The following GREB1 variants were observed in gnomAD, a reference collection of about 807,000 sequenced individuals.
GREB1 encodes growth regulating estrogen receptor binding 1.
GREB1 carries 106 observed loss-of-function variants against 200.7 expected under a neutral mutation model. That is an observed-to-expected ratio of 0.53 (90% CI 0.45 to 0.62). The LOEUF (loss-of-function observed/expected upper bound fraction) is 0.62, where lower values mean the gene tolerates loss of function less well. Ranked by LOEUF, GREB1 falls within the 20% of genes least tolerant of loss-of-function variation. GREB1 has a pLI of 0.00. For synonymous variants in GREB1, 1,132 were observed against 1,092.4 expected (o/e 1.04, Z -0.72); for missense variants, 2,243 against 2,556.8 (o/e 0.88, Z 2.65).
rs781592126 is a variant in GREB1 at position 11,554,566 on chromosome 2, A to G, written c.-161-1888A>G. 1.4e-3 allele frequency among the ~76,000 whole-genome samples: 214 copies of G among 152,246 alleles called. 2 individuals carry two copies. The highest frequency in any genetic ancestry group is 3.2e-3 in the Middle Eastern group (1 of 316). On this transcript the variant is annotated intron_variant, in intron 1 of 32. Coordinates refer to ENST00000381486, the MANE Select transcript of GREB1 (RefSeq NM_014668.4). ...TCGCTTGACCGATGAAGCCAGTTTC[A>G]TAACTGGTCTGTGTGCAGTAATTGT...
intron 1 of GREB1, among the ~76,000 whole-genome samples, chr2:11,510,529 G>T (rs1287049229): frequency 6.6e-6 from 1 of 152,062 alleles, no homozygotes; most frequent in Admixed American, 6.6e-5. Context: ...CAACGATTTG[G>T]TTACTTGAAA....
At chr2:11,618,944 A>G in intron 22 of GREB1, 25 bp downstream of exon 22, 3 of 1,459,208 alleles carry the variant, frequency 2.1e-6, no homozygotes, top group Non-Finnish European at 2.7e-6. Flanking sequence ...CTGCCCCAGC[A>G]CAGCCCCGGA....
chr2:11,596,255 G>A lies in GREB1; in HGVS notation c.1954+16G>A. On this transcript the variant is annotated intron_variant, in intron 13 of 32. Transcript: ENST00000381486. The stretch of plus-strand genomic sequence containing the variant: ...GTGTGCACAAGTGAGTGGTGAAAAG[G>A]AATCTCCCAGGGTGGAGAGGGTACA... The A allele has an allele frequency of 6.2e-7, 1 of 1,609,976 alleles. No individual in the cohort carries two copies. Among genetic ancestry groups the A allele is most frequent in the Non-Finnish European group, 8.5e-7 (1 of 1,177,232 alleles).
chr2:11,601,334 C>T lies in GREB1; in HGVS notation c.2529+339C>T, dbSNP rs1484933663. On this transcript the variant is annotated intron_variant, in intron 16 of 32. Transcript: ENST00000381486. ...GCCCTTAGGCGCTGGGGGCTTTGGG[C>T]TCCATACAGAGCAACGCTTAATGTC... Among the ~76,000 whole-genome samples, 5 of 152,288 alleles carry T rather than the reference C, an allele frequency of 3.3e-5. No individual in the cohort carries two copies. The East Asian group carries it at 7.7e-4, about 24-fold the overall frequency.
intron 15 of GREB1, 118 bp from the exon 16 acceptor site, chr2:11,600,682 C>A: frequency 1.3e-6 from 1 of 798,630 alleles, no homozygotes; most frequent in South Asian, 1.6e-5. Context: ...GGGGCAGAGC[C>A]ATAATCTTTA....
chr2:11,615,877 A>T (rs1333935014), intron 20 of GREB1, among the ~76,000 whole-genome samples: 3 of 152,208 alleles, frequency 2.0e-5, no homozygotes, highest in Non-Finnish European at 4.4e-5. Flanking sequence ...GCATTTGTGG[A>T]GTGTGTGGAA....
intron 9 of GREB1, among the ~76,000 whole-genome samples, chr2:11,587,191 A>T (rs1439507369): frequency 6.6e-6 from 1 of 151,272 alleles, no homozygotes; most frequent in Non-Finnish European, 1.5e-5. Context: ...CGTCTCCCGG[A>T]CTCCTGCTCC....
At chr2:11,522,143 G>A (rs1673725487) in intron 1 of GREB1, among the ~76,000 whole-genome samples, 2 of 152,146 alleles carry the variant, frequency 1.3e-5, no homozygotes, top group African/African-American at 2.4e-5. Flanking sequence ...CCAGGGTTCT[G>A]CACATTTGCA....
chr2:11,575,352 A>T (rs1353663530), intron 4 of GREB1, among the ~76,000 whole-genome samples: 4 of 152,248 alleles, frequency 2.6e-5, no homozygotes, highest in Non-Finnish European at 5.9e-5. Context: ...CACATTTCTC[A>T]TCTTAACCAA....
intron 6 of GREB1, among the ~76,000 whole-genome samples, chr2:11,579,171 C>T (rs555429384): frequency 3.3e-5 from 5 of 152,280 alleles, no homozygotes; most frequent in African/African-American, 1.2e-4. Context: ...CCCACCTGGC[C>T]CATCCATCGC....
chr2:11,578,540 C>T (rs1679125972), intron 6 of GREB1, 109 bp downstream of exon 6: 2 of 1,163,894 alleles, frequency 1.7e-6, no homozygotes, highest in Non-Finnish European at 2.4e-6. Context: ...AATCAGGGGG[C>T]TGTTATCTTT....
In GREB1 at chr2:11,493,370, C is replaced by T. The variant is rs1324405003; in HGVS notation, c.-159+10989C>T. On this transcript the variant is annotated intron_variant, in intron 1 of 2. Coordinates refer to the GREB1 transcript ENST00000628795. This position sits in a 1 kb window ranked among gnomAD's most constrained non-coding sequence, Gnocchi z 4.6. ...TCAGGTATTAGATTCTCATAAGGAGCGTGCAACCTGGATCCCTTGTAGGCG... is the reference window on the plus strand; with the variant it reads ...TCAGGTATTAGATTCTCATAAGGAGTGTGCAACCTGGATCCCTTGTAGGCG... Among the ~76,000 whole-genome samples, 10 of 152,114 alleles carry T rather than the reference C, an allele frequency of 6.6e-5. No individual in the cohort carries two copies. Among genetic ancestry groups the T allele is most frequent in the South Asian group, 2.1e-4 (1 of 4,822 alleles).
At chr2:11,507,842 C>A (rs992719754) in intron 1 of GREB1, among the ~76,000 whole-genome samples, 2 of 152,204 alleles carry the variant, frequency 1.3e-5, no homozygotes, top group Non-Finnish European at 2.9e-5. Context: ...GCTGCTGTCA[C>A]CACATAGGCC....
Position 11,618,796 on chromosome 2 carries a change from G to A in GREB1, c.3921G>A (p.Glu1307=). Residue 1307 remains glutamate (E), a synonymous_variant, in exon 22 of 33, where the codon GAG becomes GAA. Transcript: ENST00000381486. Reference sequence around the variant, plus strand: ...TCAGCAAGACCATGACATCCACCGAGCAGTCCCTCTACTACCGGCAGTGGA... The same window carrying A: ...TCAGCAAGACCATGACATCCACCGAACAGTCCCTCTACTACCGGCAGTGGA... ...PLLSKTMTST[E]QSLYYRQWTV... The A allele has an allele frequency of 1.2e-6, 2 of 1,610,488 alleles. No individual in the cohort carries two copies. Among genetic ancestry groups the A allele is most frequent in the Non-Finnish European group, 1.7e-6 (2 of 1,179,888 alleles).
intron 7 of GREB1, among the ~76,000 whole-genome samples, chr2:11,582,062 C>CG (rs66937210): frequency 0.4 from 61,161 of 152,036 alleles, 12,625 homozygotes; most frequent in African/African-American, 0.47. Context: ...GCTTCTCTGC[C>CG]GGTGCTGCAT....
chr2:11,609,241 A>ATTTTTTTT (rs1488732320), intron 17 of GREB1, among the ~76,000 whole-genome samples: 2 of 55,984 alleles, frequency 3.6e-5, no homozygotes, highest in Non-Finnish European at 8.3e-5. Flanking sequence ...GGGCATTATT[A>ATTTTTTTT]TTTTATTTAT....
At chr2:11,574,953 TC>T (rs373307041) in intron 4 of GREB1, among the ~76,000 whole-genome samples, 23 of 152,234 alleles carry the variant, frequency 1.5e-4, no homozygotes, top group African/African-American at 5.1e-4. Context: ...AAGAGATCTG[TC>T]CTTATTTCTA....
chr2:11,638,622 G>A lies in GREB1; in HGVS notation c.5548-49G>A, dbSNP rs776693981. 5 of 1,586,258 alleles carry A rather than the reference G, an allele frequency of 3.2e-6. No individual in the cohort carries two copies. In the African/African-American group the frequency reaches 6.8e-5, roughly 22 times the overall value. On this transcript the variant is annotated intron_variant, in intron 31 of 32. Transcript: ENST00000381486. ...TGCAAACCTGTAGTATAATGTTACT[G>A]AGCATTTCATAGAAAACGGTGCCCT...
intron 17 of GREB1, among the ~76,000 whole-genome samples, chr2:11,606,085 G>A (rs1171850640): frequency 6.6e-6 from 1 of 151,866 alleles, no homozygotes; most frequent in Non-Finnish European, 1.5e-5. Flanking sequence ...CTCCAGAACT[G>A]TCCCCGCCAT....
Sources: gnomAD v4.1 joint callset for allele counts (sites outside exome capture counted in the v4.1 genomes callset) on GRCh38, gnomAD v4.1.1 for gene constraint, Gnocchi (gnomAD v3.1) non-coding constraint, MANE v1.5 for transcripts, NCBI Gene and HGNC (gene_info 2026-07-23, HGNC 2026-07-21) for gene names.